PANK2: variants seen among roughly 807,000 people sequenced by gnomAD.
The protein encoded by PANK2 is pantothenate kinase 2, mitochondrial.
In PANK2, 36 loss-of-function variants were observed where a neutral mutation model predicts 43.1. The ratio of observed to expected loss-of-function variants is 0.84; its 90% CI spans 0.64 to 1.10. PANK2 has a LOEUF of 1.10. Ranked by LOEUF, PANK2 falls within the 50% of genes least tolerant of loss-of-function variation. The pLI, the probability that PANK2 is intolerant of heterozygous loss-of-function variation, is 0.00. For missense variants in PANK2, 576 were observed against 593.3 expected, an observed-to-expected ratio of 0.97 and a Z score of 0.30; for synonymous variants, 281 against 238.2, an observed-to-expected ratio of 1.18 and a Z score of -1.66.
intron 4 of PANK2, among the ~76,000 whole-genome samples, chr20:3,914,245 T>C (rs2090523925): frequency 6.6e-6 from 1 of 152,110 alleles, no homozygotes; most frequent in Non-Finnish European, 1.5e-5. Flanking sequence ...CGTTTATATT[T>C]CTTGTCAACA....
chr20:3,909,284 T>C (rs1223540744), intron 2 of PANK2, among the ~76,000 whole-genome samples: 2 of 152,158 alleles, frequency 1.3e-5, no homozygotes, highest in African/African-American at 4.8e-5. Context: ...TTCTCCATGT[T>C]GGTCAGGCTG....
At chr20:3,888,942 C>A, upstream of PANK2, 19 of 566,272 alleles carry the variant, frequency 3.4e-5, no homozygotes, top group Admixed American at 1.0e-4. Flanking sequence ...TGCCGACGAC[C>A]AGCGGCCAGA....
intron 1 of PANK2, among the ~76,000 whole-genome samples, chr20:3,892,063 C>A (rs543583365): frequency 1.3e-5 from 2 of 152,156 alleles, no homozygotes; most frequent in African/African-American, 2.4e-5. Flanking sequence ...AGGCTGGGCG[C>A]AGTGGCTCAT....
At chr20:3,890,112 C>T (rs2090096082) in intron 1 of PANK2, among the ~76,000 whole-genome samples, 1 of 152,138 alleles carries the variant, frequency 6.6e-6, no homozygotes, top group Admixed American at 6.5e-5. Context: ...GTTTGTTTTC[C>T]GTGGGTTTCC....
chr20:3,895,396 T>C (rs1403940271), intron 1 of PANK2, among the ~76,000 whole-genome samples: 1 of 151,884 alleles, frequency 6.6e-6, no homozygotes, highest in Non-Finnish European at 1.5e-5. Context: ...GCCCGGAGGA[T>C]TGCTTGAGCC....
upstream of PANK2, chr20:3,888,952 A>T: frequency 5.4e-6 from 3 of 558,472 alleles, no homozygotes; most frequent in Non-Finnish European, 9.0e-6. Flanking sequence ...CAGCGGCCAG[A>T]CGCTGCGGGA....
Position 3,889,615 on chromosome 20 carries a change from T to TGCCCGCGGTCGGGGCCTCGGC in PANK2, c.186_206dup (p.Pro63_Ala69dup), listed in dbSNP as rs1374499541. On this transcript the variant is annotated inframe_insertion, in exon 1 of 7. Coordinates refer to ENST00000610179, the MANE Select transcript of PANK2 (RefSeq NM_001386393.1). The stretch of plus-strand genomic sequence containing the variant: ...CGGCGCCGGGCGAGCAGCGCGTCGG[T>TGCCCGCGGTCGGGGCCTCGGC]GCCCGCGGTCGGGGCCTCGGCTGAG... 3.9e-6 allele frequency: 6 copies of TGCCCGCGGTCGGGGCCTCGGC among 1,537,748 alleles called. No individual in the cohort carries two copies. Among genetic ancestry groups the TGCCCGCGGTCGGGGCCTCGGC allele is most frequent in the South Asian group, 1.2e-5 (1 of 84,934 alleles).
intron 6 of PANK2, among the ~76,000 whole-genome samples, chr20:3,920,342 C>G (rs188117063): frequency 1.3e-4 from 20 of 151,694 alleles, no homozygotes; most frequent in African/African-American, 4.6e-4. Context: ...GTGGCAAAAC[C>G]CTGTCTCTAC....
chr20:3,907,376 G>C (rs2090404310), intron 1 of PANK2, among the ~76,000 whole-genome samples: 1 of 152,170 alleles, frequency 6.6e-6, no homozygotes, highest in South Asian at 2.1e-4. Flanking sequence ...TGAAATTACA[G>C]GTGTGAGCCA....
intron 2 of PANK2, among the ~76,000 whole-genome samples, chr20:3,909,229 T>A (rs958254491): frequency 6.6e-6 from 1 of 151,890 alleles, no homozygotes; most frequent in African/African-American, 2.4e-5. Flanking sequence ...TACAGGCATG[T>A]GCCACCACGC....
At chr20:3,908,716 G>T (rs1045349818) in intron 2 of PANK2, 4 of 235,538 alleles carry the variant, frequency 1.7e-5, no homozygotes, top group Non-Finnish European at 3.4e-5. Flanking sequence ...AAGGAACTCT[G>T]GTCAAAAGTG....
intron 1 of PANK2, among the ~76,000 whole-genome samples, chr20:3,900,147 C>T (rs1252529692): frequency 1.3e-5 from 2 of 151,830 alleles, no homozygotes; most frequent in Non-Finnish European, 2.9e-5. Flanking sequence ...ATTCTCCAGG[C>T]ATTTATTTTA....
chr20:3,902,221 C>A (rs966042961), intron 1 of PANK2, among the ~76,000 whole-genome samples: 1 of 150,156 alleles, frequency 6.7e-6, no homozygotes, highest in African/African-American at 2.5e-5. Flanking sequence ...GGCTGGAGTG[C>A]GGTGGCATGG....
In PANK2 at chr20:3,923,838, G is replaced by C. The variant is rs41279410; in HGVS notation, c.*544G>C. 1 of 156,542 alleles carries C rather than the reference G, an allele frequency of 6.4e-6. No homozygotes were observed. Among genetic ancestry groups the C allele is most frequent in the Non-Finnish European group, 1.4e-5 (1 of 70,478 alleles). The allele number at this position is 156,542 out of a possible 1,614,324, so 9.7% of individuals were successfully genotyped here. A position where few individuals can be genotyped will look rare whatever the true frequency, so the allele number is the denominator to read the frequency against. On this transcript the variant is annotated 3_prime_UTR_variant, in exon 7 of 7. Coordinates refer to ENST00000610179, the MANE Select transcript of PANK2 (RefSeq NM_001386393.1). ...TAATTGTGTACCTGAAACTTAACAAGCAGTTTTTGGAAGGGCAGTTCCACG... is the reference window on the plus strand; with the variant it reads ...TAATTGTGTACCTGAAACTTAACAACCAGTTTTTGGAAGGGCAGTTCCACG...
Position 3,924,301 on chromosome 20 carries a change from T to G in PANK2, c.*1007T>G, listed in dbSNP as rs774902780. On this transcript the variant is annotated 3_prime_UTR_variant, in exon 7 of 7. Coordinates refer to ENST00000610179, the MANE Select transcript of PANK2 (RefSeq NM_001386393.1). ...CACCTTTTATATCTGAGGTCTTAAG[T>G]GGTGCCCATATTGCTGTTGAAGGCA... 1.3e-5 allele frequency: 2 copies of G among 152,294 alleles called. No individual in the cohort carries two copies. The highest frequency in any genetic ancestry group is 2.9e-5 in the Non-Finnish European group (2 of 68,096). 9.4% of individuals were successfully genotyped at this position (152,294 alleles called of 1,614,324 possible).
chr20:3,911,061 A>T (rs2090461244), intron 3 of PANK2, among the ~76,000 whole-genome samples: 1 of 152,262 alleles, frequency 6.6e-6, no homozygotes, highest in African/African-American at 2.4e-5. Flanking sequence ...CAGCAGACTC[A>T]TTGTAGCCTT....
chr20:3,917,139 T>A (rs989049384), intron 5 of PANK2, 89 bp downstream of exon 5: 36 of 1,519,472 alleles, frequency 2.4e-5, no homozygotes, highest in Non-Finnish European at 3.1e-5. Flanking sequence ...GAACAGTGCC[T>A]AAATGTAGTC....
In PANK2 at chr20:3,929,797, T is replaced by C. The variant is rs1010841368; in HGVS notation, c.*6503T>C. Reference sequence around the variant, plus strand: ...GTTGTGCTCTTGGATTAGCTGGGCATTTGGGGTAAGGGAGGGACTGCAGAT... The same window carrying C: ...GTTGTGCTCTTGGATTAGCTGGGCACTTGGGGTAAGGGAGGGACTGCAGAT... On this transcript the variant is annotated 3_prime_UTR_variant, in exon 7 of 7. Transcript: ENST00000610179. 12 of 152,214 alleles carry C rather than the reference T, an allele frequency of 7.9e-5. No homozygotes were observed. Among genetic ancestry groups the C allele is most frequent in the African/African-American group, 2.7e-4 (11 of 41,458 alleles). The allele number at this position is 152,214 out of a possible 1,614,324, so 9.4% of individuals were successfully genotyped here.
chr20:3,906,220 T>C (rs2090384684), intron 1 of PANK2, among the ~76,000 whole-genome samples: 1 of 150,420 alleles, frequency 6.6e-6, no homozygotes, highest in Admixed American at 6.6e-5. Flanking sequence ...AGCCCAGGAG[T>C]TCAAGACCAG....
Sources: gnomAD v4.1 joint callset for allele counts (sites outside exome capture counted in the v4.1 genomes callset) on GRCh38, gnomAD v4.1.1 for gene constraint, MANE v1.5 for transcripts, NCBI Gene and HGNC (gene_info 2026-07-23, HGNC 2026-07-21) for gene names.